The following CYRIA variants were observed in gnomAD, a reference collection of about 807,000 sequenced individuals.
CYRIA encodes CYFIP related Rac1 interactor A, also known as CYFIP-related Rac1 interactor A.
In CYRIA, 15 loss-of-function variants were observed where a neutral mutation model predicts 43.9. The observed-to-expected ratio is 0.34, with a 90% CI of 0.23 to 0.53. The LOEUF (loss-of-function observed/expected upper bound fraction) is 0.53, where lower values mean the gene tolerates loss of function less well. Among genes scored for constraint, CYRIA ranks in the 20% least tolerant of loss-of-function variants. CYRIA has a pLI of 0.94. For synonymous variants in CYRIA, 117 were observed against 136.0 expected (o/e 0.86, Z 0.97); for missense variants, 236 against 394.2 (o/e 0.60, Z 3.40).
intron 3 of CYRIA, among the ~76,000 whole-genome samples, chr2:16,584,149 TCTG>T (rs1452109729): frequency 2.0e-5 from 3 of 152,164 alleles, no homozygotes; most frequent in Non-Finnish European, 4.4e-5. Context: ...AAATTCGGAA[TCTG>T]CTCCCCTAGG....
intron 1 of CYRIA, among the ~76,000 whole-genome samples, chr2:16,663,618 G>A (rs1670319850): frequency 6.6e-6 from 1 of 151,862 alleles, no homozygotes; most frequent in Non-Finnish European, 1.5e-5. Context: ...GACTTATCTA[G>A]TTGCATCTAG....
At chr2:16,651,909 T>A (rs930265890) in intron 1 of CYRIA, among the ~76,000 whole-genome samples, 1 of 152,168 alleles carries the variant, frequency 6.6e-6, no homozygotes, top group Non-Finnish European at 1.5e-5. Flanking sequence ...ATGGGTTCCA[T>A]GAGGAAGGGG....
chr2:16,581,975 TA>T (rs1208410518), intron 3 of CYRIA, among the ~76,000 whole-genome samples: 1 of 152,196 alleles, frequency 6.6e-6, no homozygotes, highest in African/African-American at 2.4e-5. Context: ...TATATGAACT[TA>T]AAAAACTTAT....
chr2:16,651,395 C>A (rs1459924478), intron 1 of CYRIA, among the ~76,000 whole-genome samples: 4 of 152,112 alleles, frequency 2.6e-5, no homozygotes, highest in Non-Finnish European at 5.9e-5. Context: ...AGTGCAGAAG[C>A]CAAATACTAA....
intron 2 of CYRIA, among the ~76,000 whole-genome samples, chr2:16,600,715 G>A (rs1359819993): frequency 6.6e-6 from 1 of 152,114 alleles, no homozygotes; most frequent in Non-Finnish European, 1.5e-5. Context: ...AGAGAAACTG[G>A]AACATCAGCA....
At chr2:16,564,547 T>C (rs1160412754) in intron 4 of CYRIA, among the ~76,000 whole-genome samples, 1 of 152,164 alleles carries the variant, frequency 6.6e-6, no homozygotes, top group Non-Finnish European at 1.5e-5. Context: ...AACCACCTCT[T>C]ACTAGACTGT....
At chr2:16,619,908 T>C (rs1403407465) in intron 2 of CYRIA, among the ~76,000 whole-genome samples, 2 of 152,246 alleles carry the variant, frequency 1.3e-5, no homozygotes, top group Non-Finnish European at 2.9e-5. Flanking sequence ...CATCCTTCAA[T>C]GCCCAAATCA....
rs940319093 is a variant in CYRIA, at chr2:16,560,109, G to T, written c.711-523C>A. ...AGAGTATTTGTAGAGTTTGAATTTT[G>T]TTCACTTACCTTGACAGGGTCACTG... On this transcript the variant is annotated intron_variant, in intron 9 of 11. Transcript: ENST00000381323. 9.9e-5 allele frequency among the ~76,000 whole-genome samples: 15 copies of T among 152,210 alleles called. No individual in the cohort carries two copies. In the South Asian group the frequency reaches 1.2e-3, roughly 13 times the overall value.
At chr2:16,573,637 C>A (rs1028992846) in intron 3 of CYRIA, among the ~76,000 whole-genome samples, 49 of 152,162 alleles carry the variant, frequency 3.2e-4, no homozygotes, top group African/African-American at 1.1e-3. Context: ...GGGAGCAAGT[C>A]TTTCCCATGC....
chr2:16,571,115 T>G (rs572633147), intron 3 of CYRIA, among the ~76,000 whole-genome samples: 26 of 152,324 alleles, frequency 1.7e-4, no homozygotes, highest in African/African-American at 6.0e-4. Flanking sequence ...TCAAGTGCCC[T>G]GCGACCTTGC....
At chr2:16,620,918 C>A (rs1409459379) in intron 2 of CYRIA, among the ~76,000 whole-genome samples, 1 of 152,200 alleles carries the variant, frequency 6.6e-6, no homozygotes, top group African/African-American at 2.4e-5. Flanking sequence ...CATCTCATCT[C>A]CAGGACTGAG....
chr2:16,619,215 G>A (rs987758831), intron 2 of CYRIA, among the ~76,000 whole-genome samples: 1 of 152,160 alleles, frequency 6.6e-6, no homozygotes, highest in African/African-American at 2.4e-5. Flanking sequence ...CAGCAGGGGT[G>A]ATAGGAGGTC....
chr2:16,644,215 T>C (rs1289791610), intron 1 of CYRIA, among the ~76,000 whole-genome samples: 1 of 152,218 alleles, frequency 6.6e-6, no homozygotes, highest in African/African-American at 2.4e-5. Context: ...GTATTGGATA[T>C]GTAACAGACA....
chr2:16,629,058 CTG>C (rs1415024621), intron 1 of CYRIA, among the ~76,000 whole-genome samples: 1 of 152,142 alleles, frequency 6.6e-6, no homozygotes, highest in African/African-American at 2.4e-5. Flanking sequence ...AGTGAGGACT[CTG>C]TGGCTGTCCC....
chr2:16,608,026 G>T (rs1469222453), intron 2 of CYRIA, among the ~76,000 whole-genome samples: 1 of 152,108 alleles, frequency 6.6e-6, no homozygotes, highest in Non-Finnish European at 1.5e-5. Context: ...GTGGATTCTT[G>T]CAGGGGCTAT....
intron 3 of CYRIA, among the ~76,000 whole-genome samples, chr2:16,575,890 T>G (rs1667326677): frequency 6.6e-6 from 1 of 150,860 alleles, no homozygotes; most frequent in Admixed American, 6.6e-5. Flanking sequence ...AATAAATAAA[T>G]AAATAAATAA....
intron 1 of CYRIA, among the ~76,000 whole-genome samples, chr2:16,652,450 C>G (rs73215506): frequency 2.6e-5 from 4 of 152,198 alleles, no homozygotes; most frequent in Non-Finnish European, 4.4e-5. Context: ...TTGCCGTATA[C>G]CCTATTATAT....
chr2:16,554,974 G>C (rs1210407363), intron 11 of CYRIA, 95 bp downstream of exon 11: 1 of 832,664 alleles, frequency 1.2e-6, no homozygotes, highest in Admixed American at 2.4e-5. Flanking sequence ...AATATGCAAG[G>C]GTTAAGTTTG....
At chr2:16,646,179 A>AG (rs913600460) in intron 1 of CYRIA, among the ~76,000 whole-genome samples, 3 of 152,194 alleles carry the variant, frequency 2.0e-5, no homozygotes, top group Non-Finnish European at 4.4e-5. Flanking sequence ...CCAACCATGT[A>AG]GCAAAGGTAC....
Sources: allele counts gnomAD v4.1 joint callset (sites outside exome capture counted in the v4.1 genomes callset), GRCh38; gene constraint gnomAD v4.1.1; transcripts MANE v1.5; gene names NCBI Gene and HGNC (gene_info 2026-07-23, HGNC 2026-07-21).